Variants in BPGM observed in about 807,000 individuals in gnomAD.
The protein encoded by BPGM is 2,3-bisphosphoglycerate mutase, erythrocyte.
In BPGM, 15 loss-of-function variants were observed where a neutral mutation model predicts 21.6. That is an observed-to-expected ratio of 0.70 (90% CI 0.47 to 1.07). The LOEUF is 1.07. Ranked by LOEUF, BPGM falls within the 50% of genes least tolerant of loss-of-function variation. The probability of loss-of-function intolerance (pLI) is 0.00; values close to 1 mark genes in which losing one functional copy is unlikely to be tolerated. For synonymous variants in BPGM, 113 were observed against 116.2 expected (o/e 0.97, Z 0.18); for missense variants, 273 against 319.0 (o/e 0.86, Z 1.10).
chr7:134,648,087 C>G (rs1289242945), intron 1 of BPGM, among the ~76,000 whole-genome samples: 2 of 143,894 alleles, frequency 1.4e-5, no homozygotes, highest in Non-Finnish European at 3.0e-5. Context: ...CGTGAGCCAC[C>G]GTGCCTGGCC....
At chr7:134,662,249 G>A (rs538738311) in intron 2 of BPGM, 141 bp downstream of exon 2, 22 of 1,249,154 alleles carry the variant, frequency 1.8e-5, no homozygotes, top group Admixed American at 3.9e-5. Flanking sequence ...GAATTGTCTT[G>A]TTCTATAAAT....
At chr7:134,660,347 G>A (rs1307039627) in intron 1 of BPGM, 1 of 152,300 alleles carries the variant, frequency 6.6e-6, no homozygotes, top group Non-Finnish European at 1.5e-5. Flanking sequence ...ACAACCCAGT[G>A]TGCAAAACAC....
At chr7:134,672,298 A>G (rs1305414099) in intron 2 of BPGM, among the ~76,000 whole-genome samples, 1 of 67,932 alleles carries the variant, frequency 1.5e-5, no homozygotes, top group Non-Finnish European at 2.6e-5. Context: ...AAAGACTTCA[A>G]CACAGACTTA....
At chr7:134,665,018 G>T (rs1017083867) in intron 2 of BPGM, among the ~76,000 whole-genome samples, 1 of 152,164 alleles carries the variant, frequency 6.6e-6, no homozygotes, top group Admixed American at 6.6e-5. Flanking sequence ...AAAATTGATT[G>T]TAGTGAGGGT....
intron 2 of BPGM, among the ~76,000 whole-genome samples, chr7:134,674,539 T>G (rs1275382092): frequency 6.6e-6 from 1 of 152,260 alleles, no homozygotes; most frequent in Non-Finnish European, 1.5e-5. Context: ...TTTTATTTAG[T>G]AGCATCATGC....
chr7:134,672,333 C>T (rs1050552742), intron 2 of BPGM, among the ~76,000 whole-genome samples: 6 of 152,024 alleles, frequency 3.9e-5, no homozygotes, highest in Non-Finnish European at 7.4e-5. Flanking sequence ...CCCTTAAAGA[C>T]AAGGGTAGCT....
intron 2 of BPGM, among the ~76,000 whole-genome samples, chr7:134,668,117 G>C (rs1342074821): frequency 6.6e-6 from 1 of 152,152 alleles, no homozygotes; most frequent in East Asian, 1.9e-4. Flanking sequence ...TTGTTTCTCA[G>C]ATATTTGATA....
intron 2 of BPGM, among the ~76,000 whole-genome samples, chr7:134,674,449 T>A (rs2131461248): frequency 6.6e-6 from 1 of 152,324 alleles, no homozygotes; most frequent in Admixed American, 6.5e-5. Context: ...TAATCTACTT[T>A]GTGTCACTAT....
chr7:134,650,615 T>C (rs1335868374), intron 1 of BPGM, among the ~76,000 whole-genome samples: 1 of 152,184 alleles, frequency 6.6e-6, no homozygotes, highest in Non-Finnish European at 1.5e-5. Context: ...GGGGAAGGCA[T>C]AGTTTGTTAA....
Position 134,662,463 on chromosome 7 carries a change from T to G in BPGM, c.601+355T>G, listed in dbSNP as rs1349818183. ...GTGATGCTGATACTGCTGATTGGGG[T>G]TCCACACTTTGAGAAGCACTAGTCT... On this transcript the variant is annotated intron_variant, in intron 2 of 2. Coordinates refer to ENST00000344924, the MANE Select transcript of BPGM (RefSeq NM_001724.5). Among the ~76,000 whole-genome samples the G allele has an allele frequency of 5.3e-5, 8 of 152,270 alleles. No homozygotes were observed. In the East Asian group the frequency reaches 1.3e-3, roughly 26 times the overall value.
At chr7:134,656,010 G>A (rs1179431762) in intron 1 of BPGM, among the ~76,000 whole-genome samples, 1 of 152,182 alleles carries the variant, frequency 6.6e-6, no homozygotes, top group East Asian at 1.9e-4. Flanking sequence ...TTCCCAATGG[G>A]TGAAGAGGAA....
chr7:134,649,531 G>A (rs936075456), intron 1 of BPGM, among the ~76,000 whole-genome samples: 4 of 115,038 alleles, frequency 3.5e-5, no homozygotes, highest in East Asian at 3.8e-4. Flanking sequence ...TGTTTGAACC[G>A]AATGGTTTCT....
chr7:134,646,936 A>G lies in BPGM; in HGVS notation c.-63A>G, dbSNP rs1315805816. On this transcript the variant is annotated splice_region_variant and 5_prime_UTR_variant, in exon 1 of 3. Transcript: ENST00000344924. ...CTGCTGCTGCTGGTGGCCCCTTTGC[A>G]GGTGAGTGGCTTTGTTTTAGAAAAT... is the stretch of plus-strand genomic sequence containing the variant. 3 of 181,046 alleles carry G rather than the reference A, an allele frequency of 1.7e-5. No homozygotes were observed. The highest frequency in any genetic ancestry group is 4.8e-5 in the African/African-American group (2 of 41,492). The allele number at this position is 181,046 out of a possible 1,614,324, so 11.2% of individuals were successfully genotyped here.
intron 1 of BPGM, among the ~76,000 whole-genome samples, chr7:134,655,458 G>GT (rs1795622083): frequency 6.7e-6 from 1 of 149,066 alleles, no homozygotes; most frequent in African/African-American, 2.6e-5. Flanking sequence ...TATCTCCAGT[G>GT]GGGGGTTGAA....
chr7:134,658,812 C>T (rs907954331), intron 1 of BPGM: 10 of 151,630 alleles, frequency 6.6e-5, no homozygotes, highest in African/African-American at 2.4e-4. Flanking sequence ...TCCTGTGCTT[C>T]AGAGTGAGGG....
intron 2 of BPGM, 106 bp downstream of exon 2, chr7:134,662,214 TCC>T (rs960831663): frequency 7.8e-6 from 11 of 1,414,264 alleles, no homozygotes; most frequent in African/African-American, 5.7e-5. Flanking sequence ...GACTCCTCTA[TCC>T]CCCTTTGTCA....
At chr7:134,668,621 A>G (rs1795854810) in intron 2 of BPGM, among the ~76,000 whole-genome samples, 1 of 152,188 alleles carries the variant, frequency 6.6e-6, no homozygotes, top group South Asian at 2.1e-4. Context: ...CTCTGAACTC[A>G]CTGGAAAGCT....
intron 2 of BPGM, among the ~76,000 whole-genome samples, chr7:134,676,404 A>G (rs1795983768): frequency 6.6e-6 from 1 of 152,212 alleles, no homozygotes; most frequent in African/African-American, 2.4e-5. Context: ...CTTTTAACAA[A>G]TTAATTTTTT....
At chr7:134,657,635 C>A (rs1168505800) in intron 1 of BPGM, among the ~76,000 whole-genome samples, 4 of 151,942 alleles carry the variant, frequency 2.6e-5, no homozygotes, top group African/African-American at 9.7e-5. Flanking sequence ...GGCATGAGCA[C>A]CCCCCACTAG....
Sources: gnomAD v4.1 joint callset for allele counts (sites outside exome capture counted in the v4.1 genomes callset) on GRCh38, gnomAD v4.1.1 for gene constraint, MANE v1.5 for transcripts, NCBI Gene and HGNC (gene_info 2026-07-23, HGNC 2026-07-21) for gene names.